The following SCAF1 variants were observed in gnomAD, a reference collection of about 807,000 sequenced individuals.
SCAF1 encodes splicing factor, arginine/serine-rich 19.
A neutral mutation model predicts 91.2 loss-of-function variants in SCAF1; 28 were observed. That is an observed-to-expected ratio of 0.31 (90% CI 0.23 to 0.42). The LOEUF (loss-of-function observed/expected upper bound fraction) is 0.42. Among genes scored for constraint, SCAF1 ranks in the 10% least tolerant of loss-of-function variants. SCAF1 has a pLI of 1.00. For synonymous variants in SCAF1, 1,036 were observed against 833.7 expected (o/e 1.24, Z -4.18); for missense variants, 1,893 against 1,872.1 (o/e 1.01, Z -0.21).
At chr19:49,643,223 A>G (rs2122443921) in intron 1 of SCAF1, among the ~76,000 whole-genome samples, 1 of 152,310 alleles carries the variant, frequency 6.6e-6, no homozygotes, top group East Asian at 1.9e-4. Context: ...CTGGAGGGTC[A>G]TCTAGACCCA....
At position 49,653,141 on chromosome 19, in the gene SCAF1, A is replaced by G. The variant is rs775314326; in HGVS notation, c.2752A>G (p.Thr918Ala). The G allele has an allele frequency of 6.1e-5, 98 of 1,609,448 alleles. 1 individual carries two copies. The Middle Eastern group carries it at 1.3e-3, about 22-fold the overall frequency. Reference sequence around the variant, plus strand: ...GAAAACCAAGGGGACCAAGGGAAAGACCAAGCCATCCAAGACCAGGAAAAA... The same window carrying G: ...GAAAACCAAGGGGACCAAGGGAAAGGCCAAGCCATCCAAGACCAGGAAAAA... ...AKKTKGTKGKTKPSKTRKKVR... is the reference protein window; with the variant it reads ...AKKTKGTKGKAKPSKTRKKVR... The change falls in exon 7 of 11, where the codon ACC (threonine) becomes GCC (alanine). Residue 918 changes from threonine to alanine, a missense_variant. By Grantham distance (58) the Thr-to-Ala change is moderately conservative (BLOSUM62 0). Coordinates refer to ENST00000360565, the MANE Select transcript of SCAF1 (RefSeq NM_021228.3).
chr19:49,653,000 G>C lies in SCAF1; in HGVS notation c.2611G>C (p.Glu871Gln). ...SIGVKFSRDR[E>Q]SRSPFLKPDE... ...TGGCGTCAAATTCAGCCGTGACCGC[G>C]AGAGTCGCTCCCCCTTCCTCAAACC... Residue 871 changes from glutamate to glutamine, a missense_variant, in exon 7 of 11, where the codon GAG becomes CAG. This residue lies in a region of SCAF1 where 1,436 missense variants were observed against 1,306.8 expected (regional missense o/e 1.10). Coordinates refer to ENST00000360565, the MANE Select transcript of SCAF1 (RefSeq NM_021228.3). The C allele has an allele frequency of 6.2e-7, 1 of 1,613,984 alleles. No individual in the cohort carries two copies. The highest frequency in any genetic ancestry group is 1.6e-4 in the Middle Eastern group (1 of 6,062).
chr19:49,654,266 C>A, intron 7 of SCAF1, 83 bp from the exon 8 acceptor site: 1 of 1,179,632 alleles, frequency 8.5e-7, no homozygotes, highest in Non-Finnish European at 1.2e-6. Context: ...CAGGAGATGA[C>A]AGCAGGTGTC....
chr19:49,644,105 G>A (rs1207369866), intron 1 of SCAF1, among the ~76,000 whole-genome samples: 2 of 152,166 alleles, frequency 1.3e-5, no homozygotes, highest in Non-Finnish European at 2.9e-5. Context: ...CTCCTATTTC[G>A]TGCATTTACA....
chr19:49,641,519 G>A (rs1393082585), upstream of SCAF1, among the ~76,000 whole-genome samples: 1 of 152,180 alleles, frequency 6.6e-6, no homozygotes, highest in Non-Finnish European at 1.5e-5. Flanking sequence ...GTTTCACCAT[G>A]TTGGTCAGGC....
Position 49,645,121 on chromosome 19 carries a change from C to T in SCAF1, c.95C>T (p.Ser32Phe). 6.2e-7 allele frequency: 1 copy of T among 1,614,034 alleles called. No homozygotes were observed. The highest frequency in any genetic ancestry group is 1.3e-5 in the African/African-American group (1 of 75,042). Residue 32 changes from serine (S) to phenylalanine (F), a missense_variant, in exon 2 of 11, where the codon TCT (serine) becomes TTT (phenylalanine). Ser to Phe is a radical substitution (Grantham distance 155). Coordinates refer to ENST00000360565, the MANE Select transcript of SCAF1 (RefSeq NM_021228.3). This position sits in a 1 kb window ranked among gnomAD's most constrained non-coding sequence, Gnocchi z 4.6. The part of the protein sequence containing the change: ...PPDRDPTLSP[S>F]AFILRAIQQA... ...GACAGAGACCCCACGCTTTCTCCTT[C>T]TGCCTTTATCCTGGTGAGGCTGCTG...
intron 6 of SCAF1, among the ~76,000 whole-genome samples, chr19:49,649,782 A>G (rs2122474315): frequency 6.6e-6 from 1 of 152,278 alleles, no homozygotes; most frequent in East Asian, 1.9e-4. Context: ...GGCATGAGCC[A>G]CCCCACCCGG....
Position 49,653,467 on chromosome 19 carries a change from G to GGAA in SCAF1, c.3087_3089dup (p.Glu1039dup), listed in dbSNP as rs570691668. 3 of 1,546,794 alleles carry GGAA rather than the reference G, an allele frequency of 1.9e-6. No individual in the cohort carries two copies. The highest frequency in any genetic ancestry group is 2.3e-5 in the East Asian group (1 of 43,126). On this transcript the variant is annotated inframe_insertion, in exon 7 of 11. Coordinates refer to ENST00000360565, the MANE Select transcript of SCAF1 (RefSeq NM_021228.3). ...GAGGTGGGGCGGAGGAGGAGGAGGA[G>GGAA]GAAGAAGAAGAGGAGGAGGAAGAGG...
intron 9 of SCAF1, among the ~76,000 whole-genome samples, chr19:49,655,326 C>T (rs1242515107): frequency 1.3e-5 from 2 of 152,112 alleles, no homozygotes; most frequent in African/African-American, 4.8e-5. Context: ...CTCCTGGGCT[C>T]TGGAGCTGTT....
chr19:49,651,906 C>T lies in SCAF1; in HGVS notation c.1517C>T (p.Ala506Val), dbSNP rs1253947456. ...TCGCCCTCCCCGGCGCCCGCGCCCG[C>T]CCCGGCCGCCGCTGCTGGTCCGCCC... ...QRSPSPAPAPAPAAAAGPPTR... is the reference protein window; with the variant it reads ...QRSPSPAPAPVPAAAAGPPTR... Residue 506 changes from alanine (A) to valine (V), a missense_variant, in exon 7 of 11, where the codon GCC (alanine) becomes GTC (valine). This residue lies in a region of SCAF1 where 1,436 missense variants were observed against 1,306.8 expected (regional missense o/e 1.10). Coordinates refer to ENST00000360565, the MANE Select transcript of SCAF1 (RefSeq NM_021228.3). 8 of 1,155,456 alleles carry T rather than the reference C, an allele frequency of 6.9e-6. No homozygotes were observed. Among genetic ancestry groups the T allele is most frequent in the Non-Finnish European group, 7.5e-6 (7 of 935,236 alleles). The allele number at this position is 1,155,456 out of a possible 1,614,324, so 71.6% of individuals were successfully genotyped here.
intron 10 of SCAF1, 86 bp from the exon 11 acceptor site, chr19:49,658,122 C>T: frequency 7.1e-7 from 1 of 1,415,812 alleles, no homozygotes; most frequent in Non-Finnish European, 9.7e-7. Context: ...GCTCCTCCTA[C>T]CGCAGTTCCA....
At chr19:49,650,730 C>T (rs565662372) in intron 6 of SCAF1, 138 bp from the exon 7 acceptor site, 7 of 628,606 alleles carry the variant, frequency 1.1e-5, no homozygotes, top group Middle Eastern at 2.6e-4. Context: ...GAGCATCCTA[C>T]GGCTGGCTCC....
rs759214591 is a variant in SCAF1, at chr19:49,652,759, G to A, written c.2370G>A (p.Arg790=). 1.2e-6 allele frequency: 2 copies of A among 1,611,710 alleles called. No individual in the cohort carries two copies. The highest frequency in any genetic ancestry group is 1.7e-6 in the Non-Finnish European group (2 of 1,179,196). The change falls in exon 7 of 11, where the codon AGG becomes AGA. Residue 790 remains arginine, a synonymous_variant. Transcript: ENST00000360565. The part of the protein sequence containing the change: ...RDRDRDRDRD[R]SSKKARPPKE... ...GGGACAGAGATAGGGACAGGGACAGGTCATCCAAGAAGGCCCGGCCCCCCA... is the reference window on the plus strand; with the variant it reads ...GGGACAGAGATAGGGACAGGGACAGATCATCCAAGAAGGCCCGGCCCCCCA...
chr19:49,649,072 G>A (rs1257556232), intron 6 of SCAF1, among the ~76,000 whole-genome samples: 2 of 152,108 alleles, frequency 1.3e-5, no homozygotes, highest in Non-Finnish European at 2.9e-5. Context: ...GTGGTATGCT[G>A]GATTTGACCC....
chr19:49,646,910 G>T lies in SCAF1; in HGVS notation c.478+80G>T. 1 of 1,033,388 alleles carries T rather than the reference G, an allele frequency of 9.7e-7. No individual in the cohort carries two copies. Among genetic ancestry groups the T allele is most frequent in the Non-Finnish European group, 1.4e-6 (1 of 708,588 alleles). 64.0% of individuals were successfully genotyped at this position (1,033,388 alleles called of 1,614,324 possible). A position where few individuals can be genotyped will look rare whatever the true frequency, so the allele number is the denominator to read the frequency against. ...GGCTGTTTTTGGTAGTGATGGTAGC[G>T]GTGATCATGTTATTTAGACAAAACC... On this transcript the variant is annotated intron_variant, in intron 6 of 10. Coordinates refer to ENST00000360565, the MANE Select transcript of SCAF1 (RefSeq NM_021228.3). The surrounding 1 kb of genome is among the most constrained non-coding windows in gnomAD (Gnocchi z 5.6).
At position 49,653,372 on chromosome 19, in the gene SCAF1, G is replaced by A. The variant is rs764644832; in HGVS notation, c.2983G>A (p.Val995Met). Residue 995 changes from valine (V) to methionine (M), a missense_variant, in exon 7 of 11, where the codon GTG (valine) becomes ATG (methionine). Around this residue, in one of 5 missense-constraint regions of SCAF1, gnomAD observed 1,436 missense variants for 1,306.8 expected, o/e 1.10. Coordinates refer to ENST00000360565, the MANE Select transcript of SCAF1 (RefSeq NM_021228.3). ...PPALTPDSQT[V>M]DSSCKTPEVS... is the part of the protein sequence containing the mutation. ...TGCCCTCACTCCGGACTCGCAGACC[G>A]TGGACAGCAGCTGCAAGACACCTGA... The A allele has an allele frequency of 2.0e-6, 3 of 1,516,520 alleles. No homozygotes were observed. Among genetic ancestry groups the A allele is most frequent in the Non-Finnish European group, 8.9e-7 (1 of 1,129,900 alleles). 93.9% of individuals were successfully genotyped at this position (1,516,520 alleles called of 1,614,324 possible).
chr19:49,652,078 C>A lies in SCAF1; in HGVS notation c.1689C>A (p.Gly563=). 3 of 1,194,988 alleles carry A rather than the reference C, an allele frequency of 2.5e-6. No individual in the cohort carries two copies. The highest frequency in any genetic ancestry group is 1.7e-5 in the African/African-American group (1 of 58,002). The allele number at this position is 1,194,988 out of a possible 1,614,324, so 74.0% of individuals were successfully genotyped here. The change falls in exon 7 of 11, where the codon GGC becomes GGA. Residue 563 remains glycine (G), a synonymous_variant. Transcript: ENST00000360565. ...KKHRSRDRKP[G]SHASSSARRR... ...ACCGCTCGCGGGACCGCAAGCCCGG[C>A]TCCCACGCCTCGTCGTCCGCCCGCC...
At chr19:49,657,739 C>T (rs368392844) in intron 9 of SCAF1, 22 bp from the exon 10 acceptor site, 46 of 1,584,802 alleles carry the variant, frequency 2.9e-5, no homozygotes, top group South Asian at 1.9e-4. Flanking sequence ...TGTGTCTTCC[C>T]CCGCTGTCGC....
rs2081150830 is a variant in SCAF1 at position 49,657,746 on chromosome 19, T to C, written c.3619-15T>C. ...GCCCTTGCTGTGTCTTCCCCCGCTG[T>C]CGCCACCCCACCAGTATCTGAAGAA... On this transcript the variant is annotated splice_polypyrimidine_tract_variant and intron_variant, in intron 9 of 10. Transcript: ENST00000360565. The C allele has an allele frequency of 2.5e-6, 4 of 1,591,516 alleles. No homozygotes were observed. The highest frequency in any genetic ancestry group is 1.8e-5 in the Admixed American group (1 of 56,550).
Sources: allele counts gnomAD v4.1 joint callset (sites outside exome capture counted in the v4.1 genomes callset), GRCh38; gene constraint gnomAD v4.1.1; regional missense constraint gnomAD v4.1.1; non-coding constraint Gnocchi (gnomAD v3.1); transcripts MANE v1.5; gene names NCBI Gene and HGNC (gene_info 2026-07-23, HGNC 2026-07-21).